Variants in TMEM165 observed in about 807,000 individuals in gnomAD.
TMEM165 encodes the protein putative divalent cation/proton antiporter TMEM165.
A neutral mutation model predicts 30.0 loss-of-function variants in TMEM165; 19 were observed. That is an observed-to-expected ratio of 0.63 (90% CI 0.44 to 0.93). The LOEUF (loss-of-function observed/expected upper bound fraction) is 0.93, where lower values mean the gene tolerates loss of function less well. Ranked by LOEUF, TMEM165 falls within the 40% of genes least tolerant of loss-of-function variation. TMEM165 has a pLI of 0.00. For missense variants in TMEM165, 340 were observed against 417.0 expected (o/e 0.82, Z 1.61); for synonymous variants, 168 against 162.9 (o/e 1.03, Z -0.24).
At chr4:55,436,317 CAG>C (rs1449851771) in intron 3 of TMEM165, among the ~76,000 whole-genome samples, 9 of 152,310 alleles carry the variant, frequency 5.9e-5, no homozygotes, top group Non-Finnish European at 1.2e-4. Flanking sequence ...GATTTGCAGA[CAG>C]AAGCCCTGCA....
chr4:55,400,312 T>TTATATATTATATATAATATTATATATAA lies in TMEM165; in HGVS notation c.207+3918_207+3919insTATATTATATATAATATTATATATAATA, dbSNP rs1560386024. 4.5e-4 allele frequency among the ~76,000 whole-genome samples: 45 copies of TTATATATTATATATAATATTATATATAA among 100,550 alleles called. No homozygotes were observed. In the South Asian group the frequency reaches 4.9e-3, roughly 11 times the overall value. The allele number at this position is 100,550 out of a possible 152,430, so 66.0% of individuals were successfully genotyped here. A position where few individuals can be genotyped will look rare whatever the true frequency, so the allele number is the denominator to read the frequency against. On this transcript the variant is annotated intron_variant, in intron 1 of 5. Transcript: ENST00000381334. ...ATTATATATAATATTATATATAATATTAATACTGTATTATATATAATATAA... is the reference window on the plus strand; with the variant it reads ...ATTATATATAATATTATATATAATATTATATATTATATATAATATTATATATAATAATACTGTATTATATATAATATAA...
chr4:55,441,341 AAGT>A (rs952802229), intron 3 of TMEM165, among the ~76,000 whole-genome samples: 1 of 152,184 alleles, frequency 6.6e-6, no homozygotes, highest in African/African-American at 2.4e-5. Flanking sequence ...AAAGAACTAA[AAGT>A]AGATCTACCA....
At chr4:55,427,412 G>A (rs1004033019), downstream of TMEM165, among the ~76,000 whole-genome samples, 5 of 151,106 alleles carry the variant, frequency 3.3e-5, no homozygotes, top group East Asian at 1.9e-4. Flanking sequence ...GCGCAATCTC[G>A]GCTCACTGCA....
intron 3 of TMEM165, among the ~76,000 whole-genome samples, chr4:55,445,068 G>GCTTTGC (rs56391323): frequency 7.1e-6 from 1 of 141,530 alleles, no homozygotes; most frequent in East Asian, 2.4e-4. Flanking sequence ...TGGTTCTGGT[G>GCTTTGC]CTTCTTGCTC....
chr4:55,452,414 T>C (rs1388882772), exon 4 of TMEM165: 1 of 152,264 alleles, frequency 6.6e-6, no homozygotes, highest in Non-Finnish European at 1.5e-5. Context: ...GCCACCTCAG[T>C]TGAACTTTGA....
In TMEM165 at chr4:55,402,795, C is replaced by CTTTTTTTTTTT. The variant is rs71194554; in HGVS notation, c.207+6403_207+6413dup. ...ACATTTTTACAACTTTTAAAAAAAG[C>CTTTTTTTTTTT]TTTTTTTTTTTTTTGAGACGGAGTC... On this transcript the variant is annotated intron_variant, in intron 1 of 5. Transcript: ENST00000381334. Among the ~76,000 whole-genome samples the CTTTTTTTTTTT allele has an allele frequency of 2.1e-3, 153 of 71,386 alleles. 20 individuals carry two copies. Among genetic ancestry groups the CTTTTTTTTTTT allele is most frequent in the African/African-American group, 4.3e-3 (68 of 15,832 alleles). 46.8% of individuals were successfully genotyped at this position (71,386 alleles called of 152,430 possible).
At chr4:55,407,545 A>C (rs1721319380) in intron 1 of TMEM165, among the ~76,000 whole-genome samples, 1 of 152,238 alleles carries the variant, frequency 6.6e-6, no homozygotes, top group Non-Finnish European at 1.5e-5. Context: ...TTACTTTTAA[A>C]TATATGGCTA....
chr4:55,413,651 A>G (rs1289674867), intron 2 of TMEM165, among the ~76,000 whole-genome samples: 2 of 152,258 alleles, frequency 1.3e-5, no homozygotes, highest in Non-Finnish European at 2.9e-5. Flanking sequence ...AACATTTTAT[A>G]GAAATAATTT....
intron 3 of TMEM165, among the ~76,000 whole-genome samples, chr4:55,448,593 CACGCGCGCGT>C (rs1334298408): frequency 0.023 from 1,518 of 64,848 alleles, 28 homozygotes; most frequent in African/African-American, 0.071. Context: ...TGCGCGCGCG[CACGCGCGCGT>C]GTGTGTGTGT....
At chr4:55,444,872 ACATGAGTG>A in intron 3 of TMEM165, 1 of 1,343,054 alleles carries the variant, frequency 7.4e-7, no homozygotes, top group Non-Finnish European at 1.0e-6. Flanking sequence ...AAGCAGTATA[ACATGAGTG>A]AAGGATGATA....
At chr4:55,442,464 T>C (rs1002526271) in intron 3 of TMEM165, 4 of 1,608,854 alleles carry the variant, frequency 2.5e-6, no homozygotes, top group Non-Finnish European at 2.5e-6. Flanking sequence ...ATGTAGTTAC[T>C]GCAGCACTCT....
Position 55,443,095 on chromosome 4 carries a change from A to C in TMEM165, c.409-9144A>C, listed in dbSNP as rs560428077. ...AGGCTTCCTGGTCAGCCTCTTGAGC[A>C]AGTCATACCTTTTAAACACAGAAAT... is the stretch of plus-strand genomic sequence containing the variant. On this transcript the variant is annotated intron_variant, in intron 3 of 3. Transcript: ENST00000608091. Among the ~76,000 whole-genome samples, 3 of 152,326 alleles carry C rather than the reference A, an allele frequency of 2.0e-5. No individual in the cohort carries two copies. In the East Asian group the frequency reaches 5.8e-4, roughly 29 times the overall value.
At chr4:55,418,178 A>C in intron 4 of TMEM165, 193 bp downstream of exon 4, 1 of 491,660 alleles carries the variant, frequency 2.0e-6, no homozygotes, top group Non-Finnish European at 3.5e-6. Context: ...AAATTCTTGT[A>C]ACCAAGCTCA....
At chr4:55,433,775 CT>C (rs1236522397) in intron 3 of TMEM165, 1 of 152,084 alleles carries the variant, frequency 6.6e-6, no homozygotes, top group East Asian at 1.9e-4. Flanking sequence ...GAATTTATTA[CT>C]TTTAGAATAT....
chr4:55,445,007 C>T (rs1009611687), intron 3 of TMEM165, among the ~76,000 whole-genome samples: 21 of 152,148 alleles, frequency 1.4e-4, no homozygotes, highest in African/African-American at 4.8e-4. Context: ...CAAAGTTATC[C>T]ACATCAGTAG....
chr4:55,405,554 A>T (rs1721233079), intron 1 of TMEM165, among the ~76,000 whole-genome samples: 1 of 152,226 alleles, frequency 6.6e-6, no homozygotes, highest in African/African-American at 2.4e-5. Flanking sequence ...ACCTTTTAAG[A>T]GTACTAAATA....
intron 2 of TMEM165, chr4:55,412,105 A>G (rs1296157827): frequency 1.2e-5 from 6 of 483,380 alleles, no homozygotes; most frequent in Non-Finnish European, 2.2e-5. Context: ...GTAAAGTAAG[A>G]CAGTTAGGGC....
intron 3 of TMEM165, chr4:55,442,576 T>G (rs1477435735): frequency 6.2e-7 from 1 of 1,612,468 alleles, no homozygotes. Flanking sequence ...AAGAGTGCTC[T>G]GTGTCTGACT....
chr4:55,427,063 T>C (rs1171860759), downstream of TMEM165, among the ~76,000 whole-genome samples: 19 of 145,910 alleles, frequency 1.3e-4, no homozygotes, highest in Non-Finnish European at 2.7e-4. Context: ...TGAGAGAGTC[T>C]CACTCTGTCG....
Sources: allele counts gnomAD v4.1 joint callset (sites outside exome capture counted in the v4.1 genomes callset), GRCh38; gene constraint gnomAD v4.1.1; transcripts MANE v1.5; gene names NCBI Gene and HGNC (gene_info 2026-07-23, HGNC 2026-07-21).